Variants in STAG2 observed in about 807,000 individuals in gnomAD.
The protein encoded by STAG2 is STAG2 cohesin complex component.
STAG2 carries 14 observed loss-of-function variants against 108.1 expected under a neutral mutation model. The observed-to-expected ratio is 0.13, with a 90% CI of 0.09 to 0.20. The LOEUF (loss-of-function observed/expected upper bound fraction) is 0.20, where lower values mean the gene tolerates loss of function less well. STAG2 is among the 10% of genes least tolerant of loss of function. STAG2 has a pLI of 1.00. For missense variants in STAG2, 440 were observed against 940.9 expected, an observed-to-expected ratio of 0.47 and a Z score of 6.96; for synonymous variants, 307 against 302.7, an observed-to-expected ratio of 1.01 and a Z score of -0.15.
At chrX:123,976,412 C>A (rs1469296299) in intron 1 of STAG2, among the ~76,000 whole-genome samples, 3 of 112,023 alleles carry the variant, frequency 2.7e-5, no homozygotes, top group African/African-American at 9.7e-5. Flanking sequence ...TATCTCATAG[C>A]AAGATTAACC....
intron 6 of STAG2, among the ~76,000 whole-genome samples, chrX:124,041,763 CTAA>C (rs2057728163): frequency 9.0e-6 from 1 of 111,709 alleles, no homozygotes; most frequent in East Asian, 2.8e-4. Flanking sequence ...CTCCACCTGA[CTAA>C]TGTTTTACTA....
At position 124,100,077 on chromosome X, in the gene STAG2, T is replaced by C. The variant is rs562698890; in HGVS notation, c.3784-497T>C. 3.0e-4 allele frequency among the ~76,000 whole-genome samples: 34 copies of C among 112,104 alleles called. 1 individual carries two copies. The South Asian group carries it at 0.011, about 35-fold the overall frequency. ...GGCCAGATTTTCTAAAGAAAGCTTC[T>C]TGCTTTCTACATACTTGAATTGTTC... On this transcript the variant is annotated intron_variant, in intron 34 of 34. Coordinates refer to ENST00000371145, the MANE Select transcript of STAG2 (RefSeq NM_001042750.2).
At chrX:123,974,385 A>G (rs1005828737) in intron 1 of STAG2, among the ~76,000 whole-genome samples, 1 of 107,391 alleles carries the variant, frequency 9.3e-6, no homozygotes, top group Non-Finnish European at 1.9e-5. Flanking sequence ...GGCACCCGCC[A>G]CCAGGCCTGG....
intron 32 of STAG2, 144 bp from the exon 33 acceptor site, chrX:124,093,874 C>A (rs899151575): frequency 1.7e-6 from 1 of 591,299 alleles, no homozygotes. Context: ...TCATTGATGA[C>A]ATAATCAATG....
In STAG2 at chrX:124,101,738, CTGTA is replaced by C. The variant is rs1390457377; in HGVS notation, c.*1146_*1149del. ...TCTAACAGGTTACAGTACATTTCCTCTGTATGTAAATTAGATGGGATAATAGAAT... is the reference window on the plus strand; with the variant it reads ...TCTAACAGGTTACAGTACATTTCCTCTGTAAATTAGATGGGATAATAGAAT... On this transcript the variant is annotated 3_prime_UTR_variant, in exon 35 of 35. Coordinates refer to ENST00000371145, the MANE Select transcript of STAG2 (RefSeq NM_001042750.2). 6.2e-6 allele frequency: 1 copy of C among 161,416 alleles called. No individual in the cohort carries two copies. The highest frequency in any genetic ancestry group is 1.2e-5 in the Non-Finnish European group (1 of 83,440). 13.3% of individuals were successfully genotyped at this position (161,416 alleles called of 1,213,427 possible).
At chrX:124,064,507 G>C (rs1433617229) in intron 20 of STAG2, among the ~76,000 whole-genome samples, 1 of 106,026 alleles carries the variant, frequency 9.4e-6, no homozygotes, top group Non-Finnish European at 1.9e-5. Context: ...GCAGTGGTAC[G>C]ATCTCGGCTC....
Position 123,969,952 on chromosome X carries a change from GTTTTTTTTTTTTT to G in STAG2, c.-163+8111_-163+8123del, listed in dbSNP as rs749744551. On this transcript the variant is annotated intron_variant, in intron 1 of 34. Transcript: ENST00000371145. ...GTGAGCCACCGCACCCGGTCTTCCT[GTTTTTTTTTTTTT>G]TTTTTTTTTTTTTTAATTGTAACTG... Among the ~76,000 whole-genome samples, 5 of 39,157 alleles carry G rather than the reference GTTTTTTTTTTTTT, an allele frequency of 1.3e-4. No homozygotes were observed. In the South Asian group the frequency reaches 7.1e-3, roughly 55 times the overall value. 34.0% of individuals were successfully genotyped at this position (39,157 alleles called of 115,157 possible).
chrX:124,064,838 G>A (rs939250380), intron 20 of STAG2, among the ~76,000 whole-genome samples: 30 of 111,371 alleles, frequency 2.7e-4, no homozygotes, highest in African/African-American at 7.5e-4. Context: ...TTCCAAAGAG[G>A]CTTAGTGCAT....
intron 1 of STAG2, among the ~76,000 whole-genome samples, chrX:123,998,313 C>G (rs1365610323): frequency 9.5e-6 from 1 of 105,214 alleles, no homozygotes; most frequent in African/African-American, 3.5e-5. Context: ...ATTACAGGTG[C>G]TCGCCACCAT....
chrX:124,009,447 A>AGGTAGGTAGGTAGG (rs1569502017), intron 1 of STAG2, among the ~76,000 whole-genome samples: 7 of 91,420 alleles, frequency 7.7e-5, no homozygotes, highest in African/African-American at 2.7e-4. Context: ...AGGTAGGTAG[A>AGGTAGGTAGGTAGG]TAGATAGATA....
chrX:123,997,340 G>T (rs1183207135), intron 1 of STAG2, among the ~76,000 whole-genome samples: 7 of 112,045 alleles, frequency 6.2e-5, no homozygotes, highest in South Asian at 3.7e-4. Context: ...AACTTTTGAA[G>T]TGCACAGTTT....
At chrX:124,095,219 A>G (rs764843781) in intron 33 of STAG2, among the ~76,000 whole-genome samples, 153 bp from the exon 34 acceptor site, 1 of 111,989 alleles carries the variant, frequency 8.9e-6, no homozygotes, top group South Asian at 3.7e-4. Context: ...GAGCCACCGC[A>G]CCCGGCTGAT....
intron 1 of STAG2, among the ~76,000 whole-genome samples, chrX:124,017,499 C>T (rs754190625): frequency 4.1e-4 from 46 of 111,533 alleles, no homozygotes; most frequent in African/African-American, 1.4e-3. Context: ...CGTGAGCCAC[C>T]GTGCCTGGCC....
intron 11 of STAG2, 22 bp from the exon 12 acceptor site, chrX:124,051,099 C>CTTT (rs747648873): frequency 9.0e-4 from 469 of 522,227 alleles, no homozygotes; most frequent in South Asian, 1.6e-3. Context: ...ATTGTCTCAT[C>CTTT]TTTTTTTTTT....
In STAG2 at chrX:124,042,533, C is replaced by T. The variant is rs184515751; in HGVS notation, c.386-36C>T. Reference sequence around the variant, plus strand: ...GGAAGTTTTCTTTATTTTTTTATCACACCATATATTAACTTCTGACATTTG... The same window carrying T: ...GGAAGTTTTCTTTATTTTTTTATCATACCATATATTAACTTCTGACATTTG... On this transcript the variant is annotated intron_variant, in intron 6 of 34. Coordinates refer to ENST00000371145, the MANE Select transcript of STAG2 (RefSeq NM_001042750.2). 1,262 of 1,014,727 alleles carry T rather than the reference C, an allele frequency of 1.2e-3. 18 individuals carry two copies. In the African/African-American group the frequency reaches 0.021, roughly 17 times the overall value. The allele number at this position is 1,014,727 out of a possible 1,213,427, so 83.6% of individuals were successfully genotyped here. A position where few individuals can be genotyped will look rare whatever the true frequency, so the allele number is the denominator to read the frequency against.
At chrX:124,046,455 G>A (rs1411949728) in intron 8 of STAG2, among the ~76,000 whole-genome samples, 6 of 112,020 alleles carry the variant, frequency 5.4e-5, no homozygotes, top group Admixed American at 9.5e-5. Context: ...TTAGATCAGA[G>A]TGACAGACTG....
intron 1 of STAG2, among the ~76,000 whole-genome samples, chrX:124,014,991 T>TC (rs2056660784): frequency 1.2e-5 from 1 of 81,157 alleles, no homozygotes; most frequent in Non-Finnish European, 2.4e-5. Flanking sequence ...TTTTTTTTTT[T>TC]TTTTTTTTTT....
At chrX:124,066,005 T>G in intron 21 of STAG2, 59 bp downstream of exon 21, 1 of 1,042,522 alleles carries the variant, frequency 9.6e-7, no homozygotes, top group Non-Finnish European at 1.3e-6. Context: ...CTTGCATGTT[T>G]TGTGGGTTAT....
chrX:123,973,501 C>T (rs1484269035), intron 1 of STAG2, among the ~76,000 whole-genome samples: 2 of 93,329 alleles, frequency 2.1e-5, no homozygotes, highest in African/African-American at 8.5e-5. Context: ...GAGATCGTGC[C>T]ACAGCACTCC....
Sources: gnomAD v4.1 joint callset for allele counts (sites outside exome capture counted in the v4.1 genomes callset) on GRCh38, gnomAD v4.1.1 for gene constraint, MANE v1.5 for transcripts, NCBI Gene and HGNC (gene_info 2026-07-23, HGNC 2026-07-21) for gene names.